DYNC1LI2: variants seen among roughly 807,000 people sequenced by gnomAD.
DYNC1LI2 encodes the protein cytoplasmic dynein 1 light intermediate chain 2.
DYNC1LI2 carries 19 observed loss-of-function variants against 57.8 expected under a neutral mutation model. The observed-to-expected ratio is 0.33, with a 90% CI of 0.23 to 0.48. The LOEUF (loss-of-function observed/expected upper bound fraction) is 0.48. Among genes scored for constraint, DYNC1LI2 ranks in the 20% least tolerant of loss-of-function variants. The pLI, the probability that DYNC1LI2 is intolerant of heterozygous loss-of-function variation, is 0.99. For synonymous variants in DYNC1LI2, 256 were observed against 233.4 expected, an observed-to-expected ratio of 1.10 and a Z score of -0.88; for missense variants, 470 against 604.2, an observed-to-expected ratio of 0.78 and a Z score of 2.33.
At chr16:66,735,240 G>A (rs2017713476) in intron 5 of DYNC1LI2, among the ~76,000 whole-genome samples, 1 of 150,974 alleles carries the variant, frequency 6.6e-6, no homozygotes. Flanking sequence ...TAGCTGGGAT[G>A]ACAGGCACCT....
At chr16:66,734,492 GTT>G (rs201846587) in intron 5 of DYNC1LI2, among the ~76,000 whole-genome samples, 181 bp from the exon 6 acceptor site, 1 of 146,122 alleles carries the variant, frequency 6.8e-6, no homozygotes. Flanking sequence ...CTTGGGCCTC[GTT>G]TTTTTTTTTA....
At chr16:66,747,851 G>A (rs527956839) in intron 3 of DYNC1LI2, among the ~76,000 whole-genome samples, 3 of 151,968 alleles carry the variant, frequency 2.0e-5, no homozygotes, top group African/African-American at 4.8e-5. Context: ...AATTACAGAC[G>A]TCAGCCACCA....
intron 5 of DYNC1LI2, among the ~76,000 whole-genome samples, 169 bp from the exon 6 acceptor site, chr16:66,734,480 A>G (rs2017695213): frequency 6.6e-6 from 1 of 151,936 alleles, no homozygotes; most frequent in African/African-American, 2.4e-5. Flanking sequence ...TTTCTCATTC[A>G]TCTTGGGCCT....
At chr16:66,733,926 C>T (rs998887853) in intron 6 of DYNC1LI2, 1 of 339,730 alleles carries the variant, frequency 2.9e-6, no homozygotes, top group Non-Finnish European at 5.5e-6. Flanking sequence ...CTTTCGGAGG[C>T]TGAGGTAGGT....
At chr16:66,727,914 C>T (rs1013021589) in intron 10 of DYNC1LI2, 109 bp from the exon 11 acceptor site, 1 of 1,042,550 alleles carries the variant, frequency 9.6e-7, no homozygotes, top group South Asian at 1.5e-5. Context: ...GGCTATGGTA[C>T]AGGACTGGGA....
intron 7 of DYNC1LI2, 123 bp downstream of exon 7, chr16:66,732,216 T>G: frequency 1.7e-6 from 2 of 1,211,386 alleles, no homozygotes; most frequent in Non-Finnish European, 2.3e-6. Context: ...AGAGAGAAGG[T>G]GCAGTGAGAG....
rs563491142 is a variant in DYNC1LI2, at chr16:66,749,465, G to A, written c.182-152C>T. The A allele has an allele frequency of 2.9e-4, 222 of 759,882 alleles. 1 individual carries two copies. In the Middle Eastern group the frequency reaches 9.0e-3, roughly 31 times the overall value. The allele number at this position is 759,882 out of a possible 1,614,324, so 47.1% of individuals were successfully genotyped here. On this transcript the variant is annotated intron_variant, in intron 2 of 12. Coordinates refer to ENST00000258198, the MANE Select transcript of DYNC1LI2 (RefSeq NM_006141.3). ...CTTTCATAAACAAAGGACTTTGCTGGAAGAGTGGTTGGGAGGGTGGGGAGG... is the reference window on the plus strand; with the variant it reads ...CTTTCATAAACAAAGGACTTTGCTGAAAGAGTGGTTGGGAGGGTGGGGAGG...
rs1204354693 is a variant in DYNC1LI2, at chr16:66,723,657, C to T, written c.*65G>A. On this transcript the variant is annotated 3_prime_UTR_variant, in exon 13 of 13. Coordinates refer to ENST00000258198, the MANE Select transcript of DYNC1LI2 (RefSeq NM_006141.3). ...TAGCATGTGCCATATCAGAAAAATC[C>T]TGGTCTTAGCAGATCAATATACATA... 11 of 1,447,892 alleles carry T rather than the reference C, an allele frequency of 7.6e-6. No individual in the cohort carries two copies. The highest frequency in any genetic ancestry group is 4.4e-5 in the Admixed American group (2 of 45,228). The allele number at this position is 1,447,892 out of a possible 1,614,324, so 89.7% of individuals were successfully genotyped here.
rs974751235 is a variant in DYNC1LI2, at chr16:66,721,715, T to G, written c.*2007A>C. The G allele has an allele frequency of 2.6e-5, 4 of 152,644 alleles. No individual in the cohort carries two copies. The highest frequency in any genetic ancestry group is 4.4e-5 in the Non-Finnish European group (3 of 68,038). 9.5% of individuals were successfully genotyped at this position (152,644 alleles called of 1,614,324 possible). A position where few individuals can be genotyped will look rare whatever the true frequency, so the allele number is the denominator to read the frequency against. ...AAGACATGTCTTAGCATTTCATCAG[T>G]TTTAGTATATTTTATATTGACACAA... On this transcript the variant is annotated 3_prime_UTR_variant, in exon 13 of 13. Transcript: ENST00000258198.
chr16:66,736,170 T>C lies in DYNC1LI2; in HGVS notation c.604A>G (p.Thr202Ala), dbSNP rs748496932. The C allele has an allele frequency of 6.8e-6, 11 of 1,614,004 alleles. No homozygotes were observed. The highest frequency in any genetic ancestry group is 9.3e-6 in the Non-Finnish European group (11 of 1,180,010). The change falls in exon 5 of 13, where the codon ACC (threonine) becomes GCC (alanine). Residue 202 changes from threonine (T) to alanine (A), a missense_variant. Transcript: ENST00000258198. ...ACATTTTCTTCATCGGAGCCTGAGG[T>C]CAGAGGGCCTCTTCTCTGTGGGGAA... ...QGSPQRRGPLTSGSDEENVAL... is the reference protein window; with the variant it reads ...QGSPQRRGPLASGSDEENVAL...
chr16:66,723,705 G>A lies in DYNC1LI2; in HGVS notation c.*17C>T. The A allele has an allele frequency of 6.3e-7, 1 of 1,591,664 alleles. No individual in the cohort carries two copies. The highest frequency in any genetic ancestry group is 8.5e-7 in the Non-Finnish European group (1 of 1,173,002). On this transcript the variant is annotated 3_prime_UTR_variant, in exon 13 of 13. Transcript: ENST00000258198. Reference sequence around the variant, plus strand: ...ATAGTTATTTGGTCATTCGACATATGCACTTTTTAAGGAGGTTCAGGCTTC... The same window carrying A: ...ATAGTTATTTGGTCATTCGACATATACACTTTTTAAGGAGGTTCAGGCTTC...
intron 6 of DYNC1LI2, 88 bp downstream of exon 6, chr16:66,734,130 T>G (rs1326676438): frequency 1.7e-6 from 2 of 1,201,926 alleles, no homozygotes; most frequent in East Asian, 4.7e-5. Context: ...AACACTATTC[T>G]GGGTTTGGGA....
intron 3 of DYNC1LI2, among the ~76,000 whole-genome samples, chr16:66,745,080 T>C (rs1367723068): frequency 6.6e-6 from 1 of 151,678 alleles, no homozygotes. Context: ...AGCTAATTTT[T>C]GCATTTTTAG....
At position 66,734,298 on chromosome 16, in the gene DYNC1LI2, C is replaced by T. The variant is rs762368904; in HGVS notation, c.713G>A (p.Ser238Asn). The T allele has an allele frequency of 1.2e-6, 2 of 1,614,152 alleles. No homozygotes were observed. Among genetic ancestry groups the T allele is most frequent in the East Asian group, 2.2e-5 (1 of 44,882 alleles). Reference protein sequence around the residue: ...LVVCTKCDAVSVLEKEHDYRD... With the variant: ...LVVCTKCDAVNVLEKEHDYRD... ...GTAATCGTGCTCCTTCTCCAGGACACTCACCGCATCACACTGCAGGGAAGA... is the reference window on the plus strand; with the variant it reads ...GTAATCGTGCTCCTTCTCCAGGACATTCACCGCATCACACTGCAGGGAAGA... The change falls in exon 6 of 13, where the codon AGT becomes AAT. Residue 238 changes from serine to asparagine, a missense_variant. Transcript: ENST00000258198.
At chr16:66,737,171 C>T (rs113790512) in intron 4 of DYNC1LI2, among the ~76,000 whole-genome samples, 39 of 152,148 alleles carry the variant, frequency 2.6e-4, no homozygotes, top group African/African-American at 8.2e-4. Context: ...CTTGGGGACT[C>T]GTGCTAAGGC....
chr16:66,751,387 CTGGGA>C lies in DYNC1LI2; in HGVS notation c.108-46_108-42del, dbSNP rs781013200. ...CAAGAGTGGTCAGCCCCGGGCCGGG[CTGGGA>C]TGGCCCGGCTCGCGTCGGCCCCTCA... On this transcript the variant is annotated intron_variant, in intron 1 of 12. Transcript: ENST00000258198. This position sits in a 1 kb window ranked among gnomAD's most constrained non-coding sequence, Gnocchi z 5.2. The C allele has an allele frequency of 1.9e-6, 3 of 1,601,954 alleles. 1 individual carries two copies. The highest frequency in any genetic ancestry group is 2.6e-6 in the Non-Finnish European group (3 of 1,175,510).
At chr16:66,749,754 T>C (rs1426414415) in intron 2 of DYNC1LI2, among the ~76,000 whole-genome samples, 1 of 152,252 alleles carries the variant, frequency 6.6e-6, no homozygotes, top group African/African-American at 2.4e-5. Context: ...CTGATCCTGC[T>C]TCACAATGGT....
chr16:66,751,417 A>G lies in DYNC1LI2; in HGVS notation c.107+68T>C, dbSNP rs765096114. 9 of 1,591,114 alleles carry G rather than the reference A, an allele frequency of 5.7e-6. No individual in the cohort carries two copies. The highest frequency in any genetic ancestry group is 6.8e-6 in the Non-Finnish European group (8 of 1,170,846). ...ATGGCCCGGCTCGCGTCGGCCCCTC[A>G]GTGTGTCCGACGGTCCGGCCCAGAG... On this transcript the variant is annotated intron_variant, in intron 1 of 12. Transcript: ENST00000258198. The surrounding 1 kb of genome is among the most constrained non-coding windows in gnomAD (Gnocchi z 5.2).
chr16:66,730,352 T>C, intron 7 of DYNC1LI2, 129 bp from the exon 8 acceptor site: 1 of 771,160 alleles, frequency 1.3e-6, no homozygotes, highest in Non-Finnish European at 2.0e-6. Flanking sequence ...GGGGGTTGTT[T>C]GTAGCTTTTG....
Sources: gnomAD v4.1 joint callset for allele counts (sites outside exome capture counted in the v4.1 genomes callset) on GRCh38, gnomAD v4.1.1 for gene constraint, Gnocchi (gnomAD v3.1) non-coding constraint, MANE v1.5 for transcripts, NCBI Gene and HGNC (gene_info 2026-07-23, HGNC 2026-07-21) for gene names.